The following MACROD2 variants were observed in gnomAD, a reference collection of about 807,000 sequenced individuals.
MACROD2 encodes the protein ADP-ribose glycohydrolase MACROD2.
Under a neutral mutation model 70.4 loss-of-function variants are expected in MACROD2, and 36 were observed. That is an observed-to-expected ratio of 0.51 (90% CI 0.39 to 0.68). The LOEUF is 0.68. Among genes scored for constraint, MACROD2 ranks in the 30% least tolerant of loss-of-function variants. MACROD2 has a pLI of 0.00. For synonymous variants in MACROD2, 172 were observed against 178.8 expected, an observed-to-expected ratio of 0.96 and a Z score of 0.30; for missense variants, 496 against 538.4, an observed-to-expected ratio of 0.92 and a Z score of 0.78.
chr20:14,901,289 A>C (rs1272555097), intron 5 of MACROD2, among the ~76,000 whole-genome samples: 1 of 152,136 alleles, frequency 6.6e-6, no homozygotes, highest in Admixed American at 6.5e-5. Flanking sequence ...TAAAAGCTAT[A>C]GAGTGCCTAT....
chr20:15,418,015 A>T (rs1212887673), intron 6 of MACROD2, among the ~76,000 whole-genome samples: 3 of 152,124 alleles, frequency 2.0e-5, no homozygotes, highest in Non-Finnish European at 1.5e-5. Context: ...CCTTGACCTC[A>T]CTGACTCTGT....
intron 3 of MACROD2, among the ~76,000 whole-genome samples, chr20:14,277,051 C>T (rs923420579): frequency 5.3e-5 from 8 of 152,130 alleles, no homozygotes; most frequent in African/African-American, 1.7e-4. Context: ...CTTGGTAGCT[C>T]ACGCCTGTAG....
Position 14,954,786 on chromosome 20 carries a change from TA to T in MACROD2, c.418+269828del, listed in dbSNP as rs1310941920. ...AATTTTATATAACATAAATTATAAA[TA>T]TATAAATATATAAATAAATTTTATA... On this transcript the variant is annotated intron_variant, in intron 5 of 17. Transcript: ENST00000684519. Among the ~76,000 whole-genome samples the T allele has an allele frequency of 6.3e-5, 6 of 94,978 alleles. No homozygotes were observed. The East Asian group carries it at 1.7e-3, about 27-fold the overall frequency. The allele number at this position is 94,978 out of a possible 152,430, so 62.3% of individuals were successfully genotyped here.
chr20:15,352,188 A>ATCACTTTACAG (rs2078235126), intron 6 of MACROD2, among the ~76,000 whole-genome samples: 1 of 152,196 alleles, frequency 6.6e-6, no homozygotes, highest in Admixed American at 6.5e-5. Context: ...TGGCAGGATG[A>ATCACTTTACAG]GAGCAGTGCA....
chr20:16,011,866 C>T (rs541744385), intron 15 of MACROD2, among the ~76,000 whole-genome samples: 33 of 152,306 alleles, frequency 2.2e-4, no homozygotes, highest in African/African-American at 7.9e-4. Flanking sequence ...GATCAAGGCT[C>T]CACATCTCAA....
chr20:14,402,228 T>A (rs1417349702), intron 3 of MACROD2, among the ~76,000 whole-genome samples: 2 of 152,188 alleles, frequency 1.3e-5, no homozygotes, highest in South Asian at 4.1e-4. Flanking sequence ...TTTTTTGTGT[T>A]AGTGTTGTTT....
At chr20:14,338,389 C>T (rs576472952) in intron 3 of MACROD2, among the ~76,000 whole-genome samples, 5 of 152,196 alleles carry the variant, frequency 3.3e-5, no homozygotes, top group East Asian at 1.9e-4. Flanking sequence ...TATATATACA[C>T]GTGTCACTGA....
chr20:15,966,287 C>T (rs1000000589), intron 12 of MACROD2, among the ~76,000 whole-genome samples: 2 of 152,126 alleles, frequency 1.3e-5, no homozygotes, highest in African/African-American at 4.8e-5. Flanking sequence ...GCTGTACCAC[C>T]CCCAGCTTTC....
In MACROD2 at chr20:14,677,344, A is replaced by G. The variant is rs533717586; in HGVS notation, c.302-7499A>G. Among the ~76,000 whole-genome samples, 5 of 152,364 alleles carry G rather than the reference A, an allele frequency of 3.3e-5. No homozygotes were observed. The South Asian group carries it at 1.0e-3, about 32-fold the overall frequency. ...ACAAAAGTGACAACAATTCCCCTCA[A>G]GCATAACTGAAACTTATCTTTCTAT... On this transcript the variant is annotated intron_variant, in intron 4 of 17. Transcript: ENST00000684519.
At chr20:14,173,917 C>T (rs1009863465) in intron 3 of MACROD2, among the ~76,000 whole-genome samples, 1 of 152,124 alleles carries the variant, frequency 6.6e-6, no homozygotes, top group African/African-American at 2.4e-5. Context: ...AAGAGAGCTA[C>T]GAGGCTCTGG....
chr20:15,946,490 C>G (rs1310355035), intron 12 of MACROD2, among the ~76,000 whole-genome samples: 3 of 152,150 alleles, frequency 2.0e-5, no homozygotes, highest in Non-Finnish European at 4.4e-5. Context: ...CATTACAATT[C>G]ACCCCATAGA....
chr20:14,722,711 A>G (rs1330288255), intron 5 of MACROD2, among the ~76,000 whole-genome samples: 2 of 152,200 alleles, frequency 1.3e-5, no homozygotes, highest in East Asian at 1.9e-4. Context: ...TTAGTTGCCA[A>G]TTTAGACACC....
chr20:15,669,768 C>T (rs1295330252), intron 8 of MACROD2, among the ~76,000 whole-genome samples: 1 of 152,146 alleles, frequency 6.6e-6, no homozygotes, highest in East Asian at 1.9e-4. Context: ...TTTCCCCAAC[C>T]AGGAAGACCT....
At chr20:16,047,780 T>A (rs1448398896) in intron 17 of MACROD2, among the ~76,000 whole-genome samples, 1 of 152,228 alleles carries the variant, frequency 6.6e-6, no homozygotes, top group Non-Finnish European at 1.5e-5. Flanking sequence ...AATTTGGGGC[T>A]TTAGATTGTT....
At chr20:15,564,518 C>T (rs928463452) in intron 8 of MACROD2, among the ~76,000 whole-genome samples, 2 of 152,066 alleles carry the variant, frequency 1.3e-5, no homozygotes, top group African/African-American at 4.8e-5. Flanking sequence ...TAGCACATTT[C>T]GCAGCTGGGT....
At chr20:14,270,304 C>T (rs1166998910) in intron 3 of MACROD2, among the ~76,000 whole-genome samples, 1 of 152,020 alleles carries the variant, frequency 6.6e-6, no homozygotes, top group Non-Finnish European at 1.5e-5. Context: ...TAGACTATGT[C>T]CTCTCAACCG....
At chr20:14,553,670 G>GA (rs1344426159) in intron 4 of MACROD2, among the ~76,000 whole-genome samples, 1 of 152,024 alleles carries the variant, frequency 6.6e-6, no homozygotes, top group African/African-American at 2.4e-5. Flanking sequence ...AATCTTATGG[G>GA]ATCACCTTGT....
At chr20:14,719,166 A>G (rs969694570) in intron 5 of MACROD2, among the ~76,000 whole-genome samples, 1 of 152,090 alleles carries the variant, frequency 6.6e-6, no homozygotes, top group Non-Finnish European at 1.5e-5. Context: ...CGGGAGGCAG[A>G]GGTTGCAGTG....
chr20:14,466,044 G>C (rs1461196820), intron 3 of MACROD2, among the ~76,000 whole-genome samples: 1 of 151,988 alleles, frequency 6.6e-6, no homozygotes, highest in Non-Finnish European at 1.5e-5. Context: ...ATATCTTTGT[G>C]GCGTTTTCTG....
Sources: allele counts gnomAD v4.1 joint callset (sites outside exome capture counted in the v4.1 genomes callset), GRCh38; gene constraint gnomAD v4.1.1; transcripts MANE v1.5; gene names NCBI Gene and HGNC (gene_info 2026-07-23, HGNC 2026-07-21).